The following GALNT13 variants were observed in gnomAD, a reference collection of about 807,000 sequenced individuals.
The protein encoded by GALNT13 is UDP-GalNAc:polypeptide N-acetylgalactosaminyltransferase 13.
A neutral mutation model predicts 64.2 loss-of-function variants in GALNT13; 28 were observed. That is an observed-to-expected ratio of 0.44 (90% CI 0.32 to 0.60). The LOEUF is 0.60. Ranked by LOEUF, GALNT13 falls within the 20% of genes least tolerant of loss-of-function variation. The pLI, the probability that GALNT13 is intolerant of heterozygous loss-of-function variation, is 0.05. For missense variants in GALNT13, 577 were observed against 669.8 expected (o/e 0.86, Z 1.53); for synonymous variants, 214 against 224.6 (o/e 0.95, Z 0.42).
the GALNT13 span, among the ~76,000 whole-genome samples, chr2:153,254,448 T>A: frequency 6.6e-6 from 1 of 152,132 alleles, no homozygotes; most frequent in African/African-American, 2.4e-5. Context: ...TTTTGAAGGG[T>A]TTTTTGTGTC....
the GALNT13 span, among the ~76,000 whole-genome samples, chr2:153,094,571 C>T: frequency 1.3e-5 from 2 of 152,162 alleles, no homozygotes; most frequent in Non-Finnish European, 2.9e-5. Context: ...AAAGAGCCCG[C>T]ATTGCCAAGA....
At chr2:153,821,127 A>G in the GALNT13 span, among the ~76,000 whole-genome samples, 4 of 152,284 alleles carry the variant, frequency 2.6e-5, no homozygotes, top group Non-Finnish European at 5.9e-5. Flanking sequence ...AGATTCATAC[A>G]GCCACACAAT....
rs181232769 is a variant in GALNT13 at position 154,395,234 on chromosome 2, T to C, written c.1157-757T>C. 3.2e-4 allele frequency among the ~76,000 whole-genome samples: 49 copies of C among 152,334 alleles called. 1 individual carries two copies. Among genetic ancestry groups the C allele is most frequent in the African/African-American group, 8.7e-4 (36 of 41,590 alleles). On this transcript the variant is annotated intron_variant, in intron 9 of 12. Transcript: ENST00000392825. ...TATTAATATTGAGCAAACCAAGTTG[T>C]CGTAAAATTTTTTATAAAAATTAGT... is the stretch of plus-strand genomic sequence containing the variant.
intron 1 of GALNT13, among the ~76,000 whole-genome samples, chr2:153,895,684 T>G (rs1687840761): frequency 6.6e-6 from 1 of 152,036 alleles, no homozygotes; most frequent in Non-Finnish European, 1.5e-5. Context: ...ATAGGAAAGT[T>G]GGGTACATCA....
At chr2:154,009,501 CT>C (rs34094447) in intron 3 of GALNT13, among the ~76,000 whole-genome samples, 86 of 142,242 alleles carry the variant, frequency 6.0e-4, no homozygotes, top group Middle Eastern at 3.6e-3. Flanking sequence ...GGTGTTATGG[CT>C]TTTTTTTTTT....
At chr2:153,729,926 G>A in the GALNT13 span, among the ~76,000 whole-genome samples, 292 of 151,016 alleles carry the variant, frequency 1.9e-3, 1 homozygote, top group African/African-American at 6.0e-3. Context: ...ACTGATGAAC[G>A]AAATTATAGA....
the GALNT13 span, among the ~76,000 whole-genome samples, chr2:153,859,709 T>G: frequency 6.6e-6 from 1 of 152,154 alleles, no homozygotes; most frequent in Non-Finnish European, 1.5e-5. Flanking sequence ...AAATACAAAT[T>G]GGAGACAACT....
At chr2:154,154,328 C>T (rs897875331) in intron 4 of GALNT13, among the ~76,000 whole-genome samples, 1 of 152,084 alleles carries the variant, frequency 6.6e-6, no homozygotes, top group Non-Finnish European at 1.5e-5. Context: ...TATGTGAGGC[C>T]TGTGAGAGGA....
At chr2:153,609,940 G>T in the GALNT13 span, among the ~76,000 whole-genome samples, 2 of 152,060 alleles carry the variant, frequency 1.3e-5, no homozygotes, top group African/African-American at 4.8e-5. Context: ...GAGCTAAAAG[G>T]ACCTTGGCAG....
At chr2:153,153,724 T>C in the GALNT13 span, among the ~76,000 whole-genome samples, 1 of 151,608 alleles carries the variant, frequency 6.6e-6, no homozygotes, top group Non-Finnish European at 1.5e-5. Flanking sequence ...TGTGGTCTTA[T>C]TTCTGGTTTC....
chr2:154,175,162 A>G (rs182807239), intron 4 of GALNT13, among the ~76,000 whole-genome samples: 7 of 152,290 alleles, frequency 4.6e-5, no homozygotes, highest in Admixed American at 3.9e-4. Context: ...TTCTTACCCA[A>G]TGAATACACA....
the GALNT13 span, among the ~76,000 whole-genome samples, chr2:153,462,491 T>G: frequency 3.9e-5 from 6 of 152,236 alleles, no homozygotes; most frequent in East Asian, 1.2e-3. Flanking sequence ...GAATTTTCTT[T>G]CTAGGACAGC....
At chr2:154,080,298 G>T (rs1174808052) in intron 3 of GALNT13, among the ~76,000 whole-genome samples, 2 of 151,540 alleles carry the variant, frequency 1.3e-5, no homozygotes, top group Non-Finnish European at 3.0e-5. Context: ...TATGGAAAAA[G>T]AAGGAGAGGG....
chr2:153,428,459 G>A, the GALNT13 span, among the ~76,000 whole-genome samples: 1 of 152,134 alleles, frequency 6.6e-6, no homozygotes, highest in East Asian at 1.9e-4. Flanking sequence ...TGAGGGATCT[G>A]CTACCATGCC....
the GALNT13 span, among the ~76,000 whole-genome samples, chr2:153,782,853 C>A: frequency 6.6e-6 from 1 of 152,070 alleles, no homozygotes; most frequent in Non-Finnish European, 1.5e-5. Context: ...TTATAGCAAC[C>A]CACGCAGACT....
At chr2:153,680,795 T>A in the GALNT13 span, among the ~76,000 whole-genome samples, 4 of 151,928 alleles carry the variant, frequency 2.6e-5, no homozygotes, top group Non-Finnish European at 5.9e-5. Context: ...TATTTGTCCA[T>A]CCTCTAAGAG....
chr2:154,400,102 A>G (rs1285380398), intron 10 of GALNT13, among the ~76,000 whole-genome samples: 1 of 152,220 alleles, frequency 6.6e-6, no homozygotes, highest in Non-Finnish European at 1.5e-5. Flanking sequence ...ACATAATTTA[A>G]GATGGACATT....
intron 3 of GALNT13, among the ~76,000 whole-genome samples, chr2:154,009,976 A>G (rs1211192781): frequency 1.3e-5 from 2 of 152,168 alleles, no homozygotes; most frequent in Non-Finnish European, 2.9e-5. Flanking sequence ...TTGCTGGTGT[A>G]TAGAAATGTT....
chr2:153,833,168 G>A, the GALNT13 span, among the ~76,000 whole-genome samples: 44,049 of 151,906 alleles, frequency 0.29, 6,982 homozygotes, highest in Middle Eastern at 0.43. Flanking sequence ...TAGCCCTTTT[G>A]GTCATCAGAT....
Sources: allele counts gnomAD v4.1 joint callset (sites outside exome capture counted in the v4.1 genomes callset), GRCh38; gene constraint gnomAD v4.1.1; transcripts MANE v1.5; gene names NCBI Gene and HGNC (gene_info 2026-07-23, HGNC 2026-07-21).